Variants in ZDHHC18 observed in about 807,000 individuals in gnomAD.
The protein encoded by ZDHHC18 is zDHHC palmitoyltransferase 18.
In ZDHHC18, 23 loss-of-function variants were observed where a neutral mutation model predicts 37.5. The ratio of observed to expected loss-of-function variants is 0.61; its 90% confidence interval spans 0.44 to 0.87. ZDHHC18 has a LOEUF of 0.87. ZDHHC18 is among the 40% of genes least tolerant of loss of function. The pLI is 0.00. For missense variants in ZDHHC18, 406 were observed against 525.6 expected (o/e 0.77, Z 2.22); for synonymous variants, 185 against 218.7 (o/e 0.85, Z 1.36).
At chr1:26,846,192 A>G (rs1361712708) in intron 2 of ZDHHC18, among the ~76,000 whole-genome samples, 1 of 131,130 alleles carries the variant, frequency 7.6e-6, no homozygotes, top group African/African-American at 2.9e-5. Flanking sequence ...ATATCTATAT[A>G]CATACATATA....
At chr1:26,851,029 T>C in intron 5 of ZDHHC18, 100 bp from the exon 6 acceptor site, 3 of 1,181,684 alleles carry the variant, frequency 2.5e-6, no homozygotes, top group Non-Finnish European at 3.8e-6. Flanking sequence ...ACTTCTCAGC[T>C]CTCTGGGGAA....
Position 26,849,916 on chromosome 1 carries a change from G to T in ZDHHC18, c.647-385G>T, listed in dbSNP as rs527398422. On this transcript the variant is annotated intron_variant, in intron 3 of 7. Coordinates refer to ENST00000374142, the MANE Select transcript of ZDHHC18 (RefSeq NM_032283.3). ...CCTCGCCCATGGAGCTTACAGTCAAGTAGGGCTGATTGGCCAATCCAGTTA... is the reference window on the plus strand; with the variant it reads ...CCTCGCCCATGGAGCTTACAGTCAATTAGGGCTGATTGGCCAATCCAGTTA... Among the ~76,000 whole-genome samples the T allele has an allele frequency of 2.0e-5, 3 of 152,220 alleles. No individual in the cohort carries two copies. The East Asian group carries it at 5.8e-4, about 29-fold the overall frequency.
In ZDHHC18 at chr1:26,834,218, C is replaced by T. The variant is rs1008803103; in HGVS notation, c.496+1611C>T. Among the ~76,000 whole-genome samples the T allele has an allele frequency of 3.9e-5, 6 of 152,320 alleles. No individual in the cohort carries two copies. The South Asian group carries it at 6.2e-4, about 16-fold the overall frequency. On this transcript the variant is annotated intron_variant, in intron 2 of 7. Coordinates refer to ENST00000374142, the MANE Select transcript of ZDHHC18 (RefSeq NM_032283.3). The stretch of plus-strand genomic sequence containing the variant: ...GGAATCCTCGGCCTCCTGTGAGCTG[C>T]GTGGATCACAGTGACAGCAGTAATC...
At chr1:26,829,922 TC>T (rs1214203773) in intron 1 of ZDHHC18, among the ~76,000 whole-genome samples, 2 of 152,010 alleles carry the variant, frequency 1.3e-5, no homozygotes, top group African/African-American at 2.4e-5. Flanking sequence ...GTCTTCTCTG[TC>T]CCCCCACACA....
intron 2 of ZDHHC18, among the ~76,000 whole-genome samples, chr1:26,834,111 G>C (rs75796628): frequency 6.6e-6 from 1 of 152,162 alleles, no homozygotes; most frequent in Non-Finnish European, 1.5e-5. Context: ...GCTGTGCCCC[G>C]TTCTTCCTCC....
In ZDHHC18 at chr1:26,851,175, G is replaced by A. The variant is rs371714192; in HGVS notation, c.880G>A (p.Gly294Ser). The change falls in exon 6 of 8, where the codon GGC (glycine) becomes AGC (serine). Residue 294 changes from glycine (G) to serine (S), a missense_variant. Gly to Ser is a moderately conservative substitution (Grantham distance 56, BLOSUM62 0). Transcript: ENST00000374142. The part of the protein sequence containing the change: ...ICFFSIWSIL[G>S]LSGFHTYLVA... ...CTTCTTCTCCATCTGGTCCATTCTG[G>A]GCCTCTCAGGGTTTCACACGTACCT... 157 of 1,613,982 alleles carry A rather than the reference G, an allele frequency of 9.7e-5. No individual in the cohort carries two copies. Among genetic ancestry groups the A allele is most frequent in the Non-Finnish European group, 1.1e-4 (129 of 1,180,008 alleles).
intron 2 of ZDHHC18, among the ~76,000 whole-genome samples, chr1:26,840,283 ATTGT>A (rs1203339246): frequency 7.2e-5 from 11 of 152,142 alleles, no homozygotes; most frequent in African/African-American, 2.7e-4. Context: ...TCATAACTCC[ATTGT>A]TTGTTTGGAA....
intron 6 of ZDHHC18, among the ~76,000 whole-genome samples, chr1:26,852,476 C>T (rs2081710204): frequency 6.6e-6 from 1 of 152,218 alleles, no homozygotes; most frequent in Non-Finnish European, 1.5e-5. Flanking sequence ...GCGCTACCCT[C>T]CTTCAGAAGT....
chr1:26,835,140 G>GT (rs1404408090), intron 2 of ZDHHC18, among the ~76,000 whole-genome samples: 2 of 152,210 alleles, frequency 1.3e-5, no homozygotes, highest in African/African-American at 2.4e-5. Context: ...AGTGGCAGAG[G>GT]GAAGGAGGAG....
Position 26,852,801 on chromosome 1 carries a change from C to G in ZDHHC18, c.985C>G (p.Pro329Ala). 3 of 1,614,104 alleles carry G rather than the reference C, an allele frequency of 1.9e-6. No homozygotes were observed. The highest frequency in any genetic ancestry group is 2.5e-6 in the Non-Finnish European group (3 of 1,180,002). The change falls in exon 7 of 8, where the codon CCC becomes GCC. Residue 329 changes from proline to alanine, a missense_variant. By Grantham distance (27) the Pro-to-Ala change is conservative. Transcript: ENST00000374142. Reference protein sequence around the residue: ...SKRGGEASVNPYSHKSIITNC... With the variant: ...SKRGGEASVNAYSHKSIITNC... ...GAGGGGCGGTGAGGCCTCTGTCAAC[C>G]CCTACAGCCATAAAAGTATTATCAC...
Position 26,852,488 on chromosome 1 carries a change from G to A in ZDHHC18, c.937-265G>A, listed in dbSNP as rs560580784. ...CCTGCGCTACCCTCCTTCAGAAGTG[G>A]CTGGCCGGAGAAGGGAGGAGTCATC... On this transcript the variant is annotated intron_variant, in intron 6 of 7. Coordinates refer to ENST00000374142, the MANE Select transcript of ZDHHC18 (RefSeq NM_032283.3). Among the ~76,000 whole-genome samples the A allele has an allele frequency of 6.6e-5, 10 of 152,296 alleles. No homozygotes were observed. In the South Asian group the frequency reaches 1.7e-3, roughly 25 times the overall value.
rs185714297 is a variant in ZDHHC18 at position 26,841,758 on chromosome 1, G to A, written c.497-6850G>A. Among the ~76,000 whole-genome samples, 400 of 152,250 alleles carry A rather than the reference G, an allele frequency of 2.6e-3. 5 individuals carry two copies. Among genetic ancestry groups the A allele is most frequent in the African/African-American group, 9.3e-3 (386 of 41,534 alleles). ...GTGGCTCCTGGGAGGCTAGCACTGT[G>A]CTCAGGGCTGTGGAAGCATCTCATT... On this transcript the variant is annotated intron_variant, in intron 2 of 7. Transcript: ENST00000374142.
intron 7 of ZDHHC18, 98 bp from the exon 8 acceptor site, chr1:26,853,628 G>C (rs542308066): frequency 8.7e-7 from 1 of 1,154,334 alleles, no homozygotes; most frequent in Non-Finnish European, 1.3e-6. Flanking sequence ...TCTCAGCCTG[G>C]GCCTTTCCTT....
intron 2 of ZDHHC18, among the ~76,000 whole-genome samples, chr1:26,833,524 A>G (rs994429475): frequency 1.3e-5 from 2 of 152,158 alleles, no homozygotes; most frequent in Non-Finnish European, 2.9e-5. Flanking sequence ...CCAGAGTGGC[A>G]AACAGCCTGG....
chr1:26,845,464 C>G (rs952314354), intron 2 of ZDHHC18, among the ~76,000 whole-genome samples: 5 of 148,348 alleles, frequency 3.4e-5, no homozygotes, highest in Non-Finnish European at 7.4e-5. Context: ...TCTTGAGTAG[C>G]TGGGATTACA....
In ZDHHC18 at chr1:26,853,968, C is replaced by A; in HGVS notation, c.*125C>A. On this transcript the variant is annotated 3_prime_UTR_variant, in exon 8 of 8. Coordinates refer to ENST00000374142, the MANE Select transcript of ZDHHC18 (RefSeq NM_032283.3). ...ACTCAAGTCTTTTCATATTTATTTCCCATCCTGCGTGGCTTTCCCTGAACT... is the reference window on the plus strand; with the variant it reads ...ACTCAAGTCTTTTCATATTTATTTCACATCCTGCGTGGCTTTCCCTGAACT... The A allele has an allele frequency of 2.2e-6, 2 of 894,586 alleles. No homozygotes were observed. The highest frequency in any genetic ancestry group is 3.5e-6 in the Non-Finnish European group (2 of 569,702). The allele number at this position is 894,586 out of a possible 1,614,324, so 55.4% of individuals were successfully genotyped here.
intron 6 of ZDHHC18, 94 bp from the exon 7 acceptor site, chr1:26,852,659 C>T (rs565736937): frequency 1.1e-5 from 12 of 1,061,062 alleles, no homozygotes; most frequent in African/African-American, 9.5e-5. Context: ...GAATTGGTTT[C>T]GGAATTGTCC....
intron 2 of ZDHHC18, among the ~76,000 whole-genome samples, chr1:26,840,761 A>G (rs1285072899): frequency 7.7e-6 from 1 of 129,770 alleles, no homozygotes; most frequent in African/African-American, 2.9e-5. Flanking sequence ...TAACTTTTAA[A>G]TATTTTTTAG....
chr1:26,856,052 G>A lies in ZDHHC18; in HGVS notation c.*2209G>A. 2.7e-6 allele frequency: 1 copy of A among 366,494 alleles called. No homozygotes were observed. The highest frequency in any genetic ancestry group is 5.9e-6 in the Non-Finnish European group (1 of 169,786). The allele number at this position is 366,494 out of a possible 1,614,324, so 22.7% of individuals were successfully genotyped here. ...CACTCCGATCCCCAATGAGTGCCCA[G>A]CTAAGAAAATGTTTGAGACAGTAGA... On this transcript the variant is annotated 3_prime_UTR_variant, in exon 8 of 8. Coordinates refer to ENST00000374142, the MANE Select transcript of ZDHHC18 (RefSeq NM_032283.3). The surrounding 1 kb of genome is among the most constrained non-coding windows in gnomAD (Gnocchi z 5.2).
Sources: gnomAD v4.1 joint callset for allele counts (sites outside exome capture counted in the v4.1 genomes callset) on GRCh38, gnomAD v4.1.1 for gene constraint, Gnocchi (gnomAD v3.1) non-coding constraint, MANE v1.5 for transcripts, NCBI Gene and HGNC (gene_info 2026-07-23, HGNC 2026-07-21) for gene names.